Variants in MAP4K1 observed in about 807,000 individuals in gnomAD.
MAP4K1 encodes the protein mitogen-activated protein kinase kinase kinase kinase 1, also known as MAPK/ERK kinase kinase kinase 1.
A neutral mutation model predicts 122.8 loss-of-function variants in MAP4K1; 35 were observed. That is an observed-to-expected ratio of 0.29 (90% CI 0.22 to 0.38). MAP4K1 has a LOEUF of 0.38. Among genes scored for constraint, MAP4K1 ranks in the 10% least tolerant of loss-of-function variants. The pLI is 1.00. For missense variants in MAP4K1, 791 were observed against 1,072.6 expected (o/e 0.74, Z 3.67); for synonymous variants, 412 against 421.3 (o/e 0.98, Z 0.27).
rs1165749230 is a variant in MAP4K1, at chr19:38,587,808, C to A, written c.2406G>T (p.Val802=). 2 of 1,613,424 alleles carry A rather than the reference C, an allele frequency of 1.2e-6. No homozygotes were observed. The highest frequency in any genetic ancestry group is 2.2e-5 in the East Asian group (1 of 44,878). Residue 802 remains valine (V), a synonymous_variant, in exon 31 of 31, where the codon GTG becomes GTT. Transcript: ENST00000396857. Reference sequence around the variant, plus strand: ...GATCATCCACTGGGCGTGTCTCCACCACTACAGGCCTGTGGAAGGAAGAGA... The same window carrying A: ...GATCATCCACTGGGCGTGTCTCCACAACTACAGGCCTGTGGAAGGAAGAGA... ...FRLLGSPRPV[V]VETRPVDDPT... is the part of the protein sequence containing the mutation.
chr19:38,603,722 G>A (rs1476718826), intron 19 of MAP4K1, among the ~76,000 whole-genome samples: 2 of 152,066 alleles, frequency 1.3e-5, no homozygotes, highest in Non-Finnish European at 2.9e-5. Context: ...GGTGGCTCAC[G>A]CCTGTAATGC....
At chr19:38,616,156 T>C (rs755794447) in intron 4 of MAP4K1, 39 bp downstream of exon 4, 6 of 1,534,914 alleles carry the variant, frequency 3.9e-6, no homozygotes, top group Non-Finnish European at 5.4e-6. Flanking sequence ...GGGGTGGGGA[T>C]AGGGAGGGGT....
Position 38,597,108 on chromosome 19 carries a change from G to A in MAP4K1, c.1867C>T (p.Leu623=), listed in dbSNP as rs1033385788. The change falls in exon 25 of 31, where the codon CTG becomes TTG. Residue 623 remains leucine, a synonymous_variant. Transcript: ENST00000396857. The surrounding 1 kb of genome is among the most constrained non-coding windows in gnomAD (Gnocchi z 4.6). ...ACGGACGTCTCCAATGCACCGCACA[G>A]GAACGGGCCCCCAGAGCTCGCACCC... ...AEGASSGGPF[L]CGALETSVVL... 9.3e-6 allele frequency: 15 copies of A among 1,614,082 alleles called. No homozygotes were observed. In the African/African-American group the frequency reaches 2.0e-4, roughly 22 times the overall value.
rs766537667 is a variant in MAP4K1 at position 38,614,363 on chromosome 19, C to G, written c.369+27G>C. 4.3e-6 allele frequency: 7 copies of G among 1,610,166 alleles called. No individual in the cohort carries two copies. In the African/African-American group the frequency reaches 9.4e-5, roughly 22 times the overall value. On this transcript the variant is annotated intron_variant, in intron 5 of 30. Transcript: ENST00000396857. ...GAGTGGGGCCACCCTCCCCTCCCAT[C>G]CCCAGAATCCCCAGGCCTCTCCTTA...
chr19:38,601,730 G>A (rs577192884), intron 19 of MAP4K1: 76 of 542,418 alleles, frequency 1.4e-4, no homozygotes, highest in African/African-American at 1.3e-3. Context: ...TTTTTTTGTT[G>A]TTGTTATATA....
chr19:38,617,392 C>T lies in MAP4K1; in HGVS notation c.210G>A (p.Arg70=). 1 of 1,613,886 alleles carries T rather than the reference C, an allele frequency of 6.2e-7. No homozygotes were observed. The highest frequency in any genetic ancestry group is 8.5e-7 in the Non-Finnish European group (1 of 1,179,958). ...QKEILILKTC[R]HANIVAYHGS... The stretch of plus-strand genomic sequence containing the variant: ...CATGGTAGGCCACGATGTTGGCGTG[C>T]CGGCAAGTTTTCAATATGAGGATTT... The change falls in exon 3 of 31, where the codon CGG becomes CGA. Residue 70 remains arginine, a synonymous_variant. Coordinates refer to ENST00000396857, the MANE Select transcript of MAP4K1 (RefSeq NM_001042600.3). The surrounding 1 kb of genome is among the most constrained non-coding windows in gnomAD (Gnocchi z 4.1).
Position 38,587,739 on chromosome 19 carries a change from C to T in MAP4K1, c.*9G>A, listed in dbSNP as rs749114535. On this transcript the variant is annotated 3_prime_UTR_variant, in exon 31 of 31. Coordinates refer to ENST00000396857, the MANE Select transcript of MAP4K1 (RefSeq NM_001042600.3). ...TGCAAGGACTAGTTCCTGACACCCC[C>T]CTAGGGACTCATTCCTGGATGTAGA... The T allele has an allele frequency of 2.5e-6, 4 of 1,612,066 alleles. No individual in the cohort carries two copies. Among genetic ancestry groups the T allele is most frequent in the Admixed American group, 1.7e-5 (1 of 59,962 alleles).
chr19:38,593,042 G>C (rs1974773191), intron 30 of MAP4K1, among the ~76,000 whole-genome samples: 2 of 152,176 alleles, frequency 1.3e-5, no homozygotes, highest in African/African-American at 4.8e-5. Context: ...CAAGGCTGCA[G>C]TGAGCCGTGG....
In MAP4K1 at chr19:38,602,824, A is replaced by G. The variant is rs1195059185; in HGVS notation, c.1447-1299T>C. ...TACATATATACATATATACACATGT[A>G]CATATATACGCATATACATATATAC... On this transcript the variant is annotated intron_variant, in intron 19 of 30. Transcript: ENST00000396857. Among the ~76,000 whole-genome samples the G allele has an allele frequency of 5.4e-5, 8 of 149,484 alleles. No homozygotes were observed. The South Asian group carries it at 8.4e-4, about 16-fold the overall frequency.
chr19:38,612,854 GAGAGAC>G lies in MAP4K1; in HGVS notation c.534-118_534-113del. ...GACGCAGCACACAGAGAGTCAGATGGAGAGACAGAGGGACAGGAGTAAAGACAGACA... is the reference window on the plus strand; with the variant it reads ...GACGCAGCACACAGAGAGTCAGATGGAGAGGGACAGGAGTAAAGACAGACA... On this transcript the variant is annotated intron_variant, in intron 8 of 30. Coordinates refer to ENST00000396857, the MANE Select transcript of MAP4K1 (RefSeq NM_001042600.3). 3 of 1,156,956 alleles carry G rather than the reference GAGAGAC, an allele frequency of 2.6e-6. No individual in the cohort carries two copies. The South Asian group carries it at 4.1e-5, about 16-fold the overall frequency. The allele number at this position is 1,156,956 out of a possible 1,614,324, so 71.7% of individuals were successfully genotyped here. A position where few individuals can be genotyped will look rare whatever the true frequency, so the allele number is the denominator to read the frequency against.
intron 8 of MAP4K1, among the ~76,000 whole-genome samples, chr19:38,612,958 G>A (rs1049613637): frequency 6.6e-6 from 1 of 152,122 alleles, no homozygotes; most frequent in Non-Finnish European, 1.5e-5. Flanking sequence ...TTGGGAGGCT[G>A]AGCAAGGAGA....
Position 38,605,415 on chromosome 19 carries a change from CTTCAT to C in MAP4K1, c.1435_1439del (p.Met479GlufsTer49). ...CAGCAGAGCTGAACCTCACCTTTCT[CTTCAT>C]CTTTTCCTTCTTGGGGGGCAGAAGT... On this transcript the variant is annotated frameshift_variant, in exon 19 of 31. Coordinates refer to ENST00000396857, the MANE Select transcript of MAP4K1 (RefSeq NM_001042600.3). LOFTEE classifies it high-confidence loss of function. 6.3e-7 allele frequency: 1 copy of C among 1,593,256 alleles called. No homozygotes were observed. The highest frequency in any genetic ancestry group is 8.5e-7 in the Non-Finnish European group (1 of 1,171,066).
chr19:38,593,701 A>C (rs1176991809), intron 29 of MAP4K1, among the ~76,000 whole-genome samples: 2 of 152,176 alleles, frequency 1.3e-5, no homozygotes, highest in Non-Finnish European at 2.9e-5. Flanking sequence ...CAGCTGAGAT[A>C]ATTTTTGTAT....
At chr19:38,612,297 G>A (rs1975521758) in intron 9 of MAP4K1, among the ~76,000 whole-genome samples, 3 of 151,386 alleles carry the variant, frequency 2.0e-5, no homozygotes, top group Admixed American at 2.0e-4. Flanking sequence ...GTGCACACCT[G>A]CAGCCTCAGC....
At chr19:38,590,389 AAAAAAATATATATATATAT>A (rs1490346880) in intron 30 of MAP4K1, among the ~76,000 whole-genome samples, 205 of 46,838 alleles carry the variant, frequency 4.4e-3, no homozygotes, top group African/African-American at 0.011. Context: ...AAAAAAAAAA[AAAAAAATATATATATATAT>A]ATATATATAT....
rs780484725 is a variant in MAP4K1, at chr19:38,617,895, TC to T, written c.-1del. ...AAAATGTCAGGGTCCACGACGTCCA[TC>T]CCTGGGGGCCTGAGCTGGGCCTGCG... On this transcript the variant is annotated 5_prime_UTR_variant, in exon 1 of 31. Coordinates refer to ENST00000396857, the MANE Select transcript of MAP4K1 (RefSeq NM_001042600.3). This position sits in a 1 kb window ranked among gnomAD's most constrained non-coding sequence, Gnocchi z 4.1. 61 of 1,613,920 alleles carry T rather than the reference TC, an allele frequency of 3.8e-5. No homozygotes were observed. Among genetic ancestry groups the T allele is most frequent in the Non-Finnish European group, 5.2e-5 (61 of 1,179,844 alleles).
chr19:38,615,941 G>A (rs1197154766), intron 4 of MAP4K1, among the ~76,000 whole-genome samples: 5 of 148,242 alleles, frequency 3.4e-5, no homozygotes, highest in South Asian at 2.1e-4. Context: ...TTACAGGCGT[G>A]AGCCACCACA....
chr19:38,587,719 G>A lies in MAP4K1; in HGVS notation c.*29C>T. ...TGTGTCTATGGGGGAGGGGGTGCAA[G>A]GACTAGTTCCTGACACCCCCCTAGG... On this transcript the variant is annotated 3_prime_UTR_variant, in exon 31 of 31. Transcript: ENST00000396857. 1 of 1,569,948 alleles carries A rather than the reference G, an allele frequency of 6.4e-7. No homozygotes were observed.
intron 13 of MAP4K1, among the ~76,000 whole-genome samples, chr19:38,608,625 G>A (rs1012961994): frequency 6.6e-6 from 1 of 151,414 alleles, no homozygotes; most frequent in Non-Finnish European, 1.5e-5. Flanking sequence ...GTGAAGCCCC[G>A]TCTCTACTAA....
Sources: gnomAD v4.1 joint callset for allele counts (sites outside exome capture counted in the v4.1 genomes callset) on GRCh38, gnomAD v4.1.1 for gene constraint, Gnocchi (gnomAD v3.1) non-coding constraint, MANE v1.5 for transcripts, NCBI Gene and HGNC (gene_info 2026-07-23, HGNC 2026-07-21) for gene names.